Variants in TNRC18 observed in about 807,000 individuals in gnomAD.
The protein encoded by TNRC18 is trinucleotide repeat containing 18.
Under a neutral mutation model 226.7 loss-of-function variants are expected in TNRC18, and 69 were observed. The observed-to-expected ratio is 0.30, with a 90% CI of 0.25 to 0.37. The LOEUF is 0.37. Ranked by LOEUF, TNRC18 falls within the 10% of genes least tolerant of loss-of-function variation. The pLI is 1.00. For missense variants in TNRC18, 4,754 were observed against 4,256.6 expected (o/e 1.12, Z -3.25); for synonymous variants, 2,449 against 1,927.6 (o/e 1.27, Z -7.09).
chr7:5,362,107 G>T, intron 12 of TNRC18, 74 bp from the exon 13 acceptor site: 1 of 1,554,492 alleles, frequency 6.4e-7, no homozygotes, highest in Non-Finnish European at 8.7e-7. Context: ...CCACCCAGGG[G>T]TGCCCCTGAG....
At chr7:5,418,504 T>C (rs1349971762) in intron 2 of TNRC18, among the ~76,000 whole-genome samples, 1 of 152,098 alleles carries the variant, frequency 6.6e-6, no homozygotes, top group Non-Finnish European at 1.5e-5. Flanking sequence ...CTGAGCTCTC[T>C]CCAGGGAACC....
chr7:5,411,616 C>A (rs2128219099), intron 2 of TNRC18, among the ~76,000 whole-genome samples: 1 of 152,056 alleles, frequency 6.6e-6, no homozygotes, highest in Non-Finnish European at 1.5e-5. Context: ...ATACTAGGAC[C>A]CAAAAACGTT....
intron 26 of TNRC18, 22 bp downstream of exon 26, chr7:5,314,962 C>T (rs1787695360): frequency 1.3e-6 from 2 of 1,597,910 alleles, no homozygotes; most frequent in South Asian, 1.1e-5. Context: ...ACCGCCCTGC[C>T]CTGGGGACCA....
intron 18 of TNRC18, among the ~76,000 whole-genome samples, chr7:5,338,403 G>A (rs2128132856): frequency 6.6e-6 from 1 of 152,042 alleles, no homozygotes; most frequent in Non-Finnish European, 1.5e-5. Context: ...AAACAAAATA[G>A]ACTTTTTAAG....
chr7:5,355,452 A>G (rs1792261685), intron 16 of TNRC18, among the ~76,000 whole-genome samples: 1 of 152,022 alleles, frequency 6.6e-6, no homozygotes, highest in Admixed American at 6.6e-5. Context: ...ACACAGCAAC[A>G]CTCAGCCTCT....
At chr7:5,348,571 C>T (rs768007310) in intron 17 of TNRC18, among the ~76,000 whole-genome samples, 2 of 151,450 alleles carry the variant, frequency 1.3e-5, no homozygotes, top group African/African-American at 4.9e-5. Flanking sequence ...GTATTGGAGA[C>T]AGCCCGGATT....
chr7:5,356,504 C>T (rs1358327514), intron 16 of TNRC18, among the ~76,000 whole-genome samples: 2 of 152,258 alleles, frequency 1.3e-5, no homozygotes, highest in African/African-American at 4.8e-5. Context: ...GGAGTCCGGT[C>T]ACCTCTAGGA....
chr7:5,391,105 C>A (rs1780264680), intron 3 of TNRC18, among the ~76,000 whole-genome samples: 1 of 152,166 alleles, frequency 6.6e-6, no homozygotes, highest in Non-Finnish European at 1.5e-5. Context: ...CAGCCTAACA[C>A]AGGCCCTTTC....
chr7:5,386,336 G>A (rs746968595), intron 5 of TNRC18, among the ~76,000 whole-genome samples: 5 of 151,880 alleles, frequency 3.3e-5, no homozygotes, highest in Non-Finnish European at 5.9e-5. Context: ...CAGTACTTTC[G>A]GAGGCCAAGG....
rs192817953 is a variant in TNRC18 at position 5,390,088 on chromosome 7, C to T, written c.487+397G>A. ...TCAGGTCTCAAAAAAGCATCTTAGG[C>T]CACAATGGCTCACATCTGTAATCCC... On this transcript the variant is annotated intron_variant, in intron 4 of 29. Coordinates refer to ENST00000430969, the MANE Select transcript of TNRC18 (RefSeq NM_001080495.3). The T allele has an allele frequency of 1.8e-4, 60 of 338,732 alleles. No homozygotes were observed. The East Asian group carries it at 2.7e-3, about 15-fold the overall frequency. The allele number at this position is 338,732 out of a possible 1,614,324, so 21.0% of individuals were successfully genotyped here. A position where few individuals can be genotyped will look rare whatever the true frequency, so the allele number is the denominator to read the frequency against.
At chr7:5,356,579 A>G (rs1173825185) in intron 16 of TNRC18, among the ~76,000 whole-genome samples, 1 of 152,240 alleles carries the variant, frequency 6.6e-6, no homozygotes, top group Non-Finnish European at 1.5e-5. Context: ...ATGACGCACA[A>G]GGCTTCCTCG....
At chr7:5,348,645 G>A (rs1791456500) in intron 17 of TNRC18, among the ~76,000 whole-genome samples, 1 of 140,616 alleles carries the variant, frequency 7.1e-6, no homozygotes, top group Admixed American at 7.0e-5. Context: ...CCGCAGAGGA[G>A]TAGAGGGAGG....
intron 18 of TNRC18, among the ~76,000 whole-genome samples, chr7:5,339,500 A>G (rs1474554451): frequency 6.6e-6 from 1 of 151,552 alleles, no homozygotes; most frequent in Non-Finnish European, 1.5e-5. Flanking sequence ...TCGGCCTCCC[A>G]AAGTGCTGGG....
chr7:5,357,254 ATCTTCT>A lies in TNRC18; in HGVS notation c.4850_4855del (p.Lys1617_Lys1618del), dbSNP rs559482494. 18 of 1,611,384 alleles carry A rather than the reference ATCTTCT, an allele frequency of 1.1e-5. No homozygotes were observed. Among genetic ancestry groups the A allele is most frequent in the Non-Finnish European group, 1.4e-5 (17 of 1,178,970 alleles). ...TGCCAACTGCTCCTGGTCGCTGGCC[ATCTTCT>A]TCTTCTTAATCTTTAGCTGGAGAGG... On this transcript the variant is annotated inframe_deletion, in exon 16 of 30. Transcript: ENST00000430969.
Position 5,307,458 on chromosome 7 carries a change from G to A in TNRC18, c.*648C>T, listed in dbSNP as rs1786659065. On this transcript the variant is annotated 3_prime_UTR_variant, in exon 30 of 30. Coordinates refer to ENST00000430969, the MANE Select transcript of TNRC18 (RefSeq NM_001080495.3). ...ACCATTGGGGTTTTCTGTAGTGTGAGGGTTTGGACCAGGGTGGGCCTGTGC... is the reference window on the plus strand; with the variant it reads ...ACCATTGGGGTTTTCTGTAGTGTGAAGGTTTGGACCAGGGTGGGCCTGTGC... 2.5e-6 allele frequency: 1 copy of A among 403,682 alleles called. No individual in the cohort carries two copies. Among genetic ancestry groups the A allele is most frequent in the South Asian group, 1.7e-5 (1 of 57,994 alleles). The allele number at this position is 403,682 out of a possible 1,614,324, so 25.0% of individuals were successfully genotyped here.
chr7:5,364,065 A>C (rs1188517494), intron 11 of TNRC18, among the ~76,000 whole-genome samples: 3 of 152,208 alleles, frequency 2.0e-5, no homozygotes, highest in African/African-American at 7.2e-5. Flanking sequence ...TGGGTTGCCA[A>C]GGCAGGTGGA....
chr7:5,371,447 CAG>C, intron 10 of TNRC18, 83 bp from the exon 11 acceptor site: 2 of 1,420,698 alleles, frequency 1.4e-6, no homozygotes, highest in Admixed American at 2.9e-5. Context: ...CCACCCCAGA[CAG>C]AGACCCAGGA....
intron 9 of TNRC18, among the ~76,000 whole-genome samples, chr7:5,374,827 C>G (rs1389632394): frequency 1.3e-5 from 2 of 152,230 alleles, no homozygotes; most frequent in African/African-American, 2.4e-5. Flanking sequence ...GGGCACAAGG[C>G]CCCACACCTC....
At chr7:5,375,421 C>T (rs111282045) in intron 9 of TNRC18, among the ~76,000 whole-genome samples, 389 of 152,330 alleles carry the variant, frequency 2.6e-3, no homozygotes, top group Middle Eastern at 0.01. Context: ...GACTAGGCAA[C>T]GCTAGCATCT....
Sources: allele counts gnomAD v4.1 joint callset (sites outside exome capture counted in the v4.1 genomes callset), GRCh38; gene constraint gnomAD v4.1.1; transcripts MANE v1.5; gene names NCBI Gene and HGNC (gene_info 2026-07-23, HGNC 2026-07-21).